Variants in EDIL3 observed in about 807,000 individuals in gnomAD.
The protein encoded by EDIL3 is EGF like and discoidin domains 3.
In EDIL3, 37 loss-of-function variants were observed where a neutral mutation model predicts 67.4. The ratio of observed to expected loss-of-function variants is 0.55; its 90% CI spans 0.42 to 0.72. The LOEUF (loss-of-function observed/expected upper bound fraction) is 0.72. Among genes scored for constraint, EDIL3 ranks in the 30% least tolerant of loss-of-function variants. The pLI is 0.00. For missense variants in EDIL3, 527 were observed against 586.3 expected, an observed-to-expected ratio of 0.90 and a Z score of 1.04; for synonymous variants, 195 against 196.3, an observed-to-expected ratio of 0.99 and a Z score of 0.05.
At chr5:84,357,397 T>C (rs1248252552) in intron 1 of EDIL3, among the ~76,000 whole-genome samples, 3 of 152,190 alleles carry the variant, frequency 2.0e-5, no homozygotes, top group African/African-American at 4.8e-5. Flanking sequence ...TATGAATATA[T>C]GGACCTGCAT....
chr5:84,141,919 A>ATGAGTAGTTTGTATATATG (rs1303599308), intron 4 of EDIL3, among the ~76,000 whole-genome samples: 1 of 99,860 alleles, frequency 1.0e-5, no homozygotes, highest in Non-Finnish European at 1.9e-5. Context: ...ATATATATAT[A>ATGAGTAGTTTGTATATATG]TATACACATA....
At chr5:84,064,412 G>A (rs1746597015) in intron 8 of EDIL3, among the ~76,000 whole-genome samples, 1 of 152,034 alleles carries the variant, frequency 6.6e-6, no homozygotes, top group Non-Finnish European at 1.5e-5. Context: ...AAAACAATGA[G>A]ACACATTTAA....
chr5:84,357,933 G>A (rs1747521970), intron 1 of EDIL3, among the ~76,000 whole-genome samples: 1 of 149,168 alleles, frequency 6.7e-6, no homozygotes, highest in East Asian at 2.0e-4. Context: ...AGAAGTGCTA[G>A]GAATCCTGGT....
At chr5:84,262,979 A>C (rs1313125047) in intron 1 of EDIL3, among the ~76,000 whole-genome samples, 1 of 151,882 alleles carries the variant, frequency 6.6e-6, no homozygotes, top group Non-Finnish European at 1.5e-5. Flanking sequence ...GGCCCCAAGC[A>C]TTTTTGACTA....
chr5:84,300,484 T>A (rs1746135947), intron 1 of EDIL3, among the ~76,000 whole-genome samples: 1 of 152,232 alleles, frequency 6.6e-6, no homozygotes, highest in Non-Finnish European at 1.5e-5. Context: ...AAGACCATTA[T>A]TCTGCCTACC....
intron 4 of EDIL3, among the ~76,000 whole-genome samples, chr5:84,151,422 T>C (rs1265939204): frequency 6.6e-6 from 1 of 151,950 alleles, no homozygotes; most frequent in Non-Finnish European, 1.5e-5. Context: ...GCAGTCCAAA[T>C]GAAAAGAGGC....
At position 84,074,179 on chromosome 5, in the gene EDIL3, C is replaced by G. The variant is rs531200088; in HGVS notation, c.652-7573G>C. Among the ~76,000 whole-genome samples, 757 of 150,050 alleles carry G rather than the reference C, an allele frequency of 5.0e-3. 10 individuals are homozygous for G. The highest frequency in any genetic ancestry group is 0.017 in the African/African-American group (696 of 40,312). ...GCGGAAACTGGATCCCTTCCTTACACCTTATACAAAAATTAATTCAAGACG... is the reference window on the plus strand; with the variant it reads ...GCGGAAACTGGATCCCTTCCTTACAGCTTATACAAAAATTAATTCAAGACG... On this transcript the variant is annotated intron_variant, in intron 6 of 10. Transcript: ENST00000296591.
intron 2 of EDIL3, among the ~76,000 whole-genome samples, chr5:84,252,863 CAGTG>C (rs1215643211): frequency 6.6e-6 from 1 of 151,960 alleles, no homozygotes; most frequent in Non-Finnish European, 1.5e-5. Flanking sequence ...CCTAAAATAT[CAGTG>C]AGTTAATAAA....
At chr5:84,264,186 C>A (rs1226600118) in intron 1 of EDIL3, among the ~76,000 whole-genome samples, 2 of 152,148 alleles carry the variant, frequency 1.3e-5, no homozygotes, top group Non-Finnish European at 2.9e-5. Context: ...GTGGAGGTTG[C>A]AGCGAGCCGA....
At chr5:84,340,169 G>A (rs1156512433) in intron 1 of EDIL3, among the ~76,000 whole-genome samples, 1 of 151,510 alleles carries the variant, frequency 6.6e-6, no homozygotes, top group Non-Finnish European at 1.5e-5. Flanking sequence ...CAATTCTAAA[G>A]TAAATTATGA....
chr5:84,226,835 C>A (rs1744461483), intron 3 of EDIL3, among the ~76,000 whole-genome samples: 2 of 151,856 alleles, frequency 1.3e-5, no homozygotes, highest in Non-Finnish European at 1.5e-5. Flanking sequence ...CTATGATGTG[C>A]ACATCACTCT....
intron 2 of EDIL3, among the ~76,000 whole-genome samples, chr5:84,237,909 A>G (rs1339361708): frequency 6.6e-6 from 1 of 152,166 alleles, no homozygotes; most frequent in Non-Finnish European, 1.5e-5. Flanking sequence ...CTGATGTCCA[A>G]TAGCACAAAA....
chr5:84,257,375 C>G (rs527647068), intron 1 of EDIL3, among the ~76,000 whole-genome samples: 1 of 152,302 alleles, frequency 6.6e-6, no homozygotes, highest in African/African-American at 2.4e-5. Context: ...TTTCTCTCTT[C>G]TCCTTGTAAT....
chr5:84,137,229 G>A lies in EDIL3; in HGVS notation c.469+12C>T, dbSNP rs754466825. ...CACACACACACACACATACACACACGTGAATACTTACTGTATTGACAATTT... is the reference window on the plus strand; with the variant it reads ...CACACACACACACACATACACACACATGAATACTTACTGTATTGACAATTT... On this transcript the variant is annotated intron_variant, in intron 5 of 10. Coordinates refer to ENST00000296591, the MANE Select transcript of EDIL3 (RefSeq NM_005711.5). 16 of 1,565,288 alleles carry A rather than the reference G, an allele frequency of 1.0e-5. No individual in the cohort carries two copies. In the East Asian group the frequency reaches 1.1e-4, roughly 11 times the overall value.
chr5:83,975,256 G>C (rs918661652), intron 9 of EDIL3, among the ~76,000 whole-genome samples: 1 of 151,838 alleles, frequency 6.6e-6, no homozygotes, highest in Non-Finnish European at 1.5e-5. Flanking sequence ...AATTACACAA[G>C]GGCTAATTTC....
At chr5:84,164,937 C>T (rs182038031) in intron 4 of EDIL3, among the ~76,000 whole-genome samples, 58 of 151,972 alleles carry the variant, frequency 3.8e-4, no homozygotes, top group Admixed American at 9.2e-4. Flanking sequence ...TATCGATGAG[C>T]GATAAGGGCA....
intron 1 of EDIL3, among the ~76,000 whole-genome samples, chr5:84,368,948 T>C (rs1035717404): frequency 6.6e-6 from 1 of 151,740 alleles, no homozygotes; most frequent in African/African-American, 2.4e-5. Flanking sequence ...TTAAGATGAC[T>C]ACTGAAAAAA....
At chr5:84,354,737 T>C (rs1275422488) in intron 1 of EDIL3, among the ~76,000 whole-genome samples, 1 of 152,146 alleles carries the variant, frequency 6.6e-6, no homozygotes, top group African/African-American at 2.4e-5. Flanking sequence ...CACAAATATG[T>C]ATAACTGAAA....
At chr5:84,154,388 T>C (rs1206855290) in intron 4 of EDIL3, among the ~76,000 whole-genome samples, 3 of 152,076 alleles carry the variant, frequency 2.0e-5, no homozygotes, top group Non-Finnish European at 4.4e-5. Flanking sequence ...TACCATACAA[T>C]AATTATATGT....
Sources: gnomAD v4.1 joint callset for allele counts (sites outside exome capture counted in the v4.1 genomes callset) on GRCh38, gnomAD v4.1.1 for gene constraint, MANE v1.5 for transcripts, NCBI Gene and HGNC (gene_info 2026-07-23, HGNC 2026-07-21) for gene names.